The following ECT2L variants were observed in gnomAD, a reference collection of about 807,000 sequenced individuals.
ECT2L encodes epithelial cell transforming 2 like, also known as epithelial cell-transforming sequence 2 oncogene-like.
In ECT2L, 126 loss-of-function variants were observed where a neutral mutation model predicts 122.8. The ratio of observed to expected loss-of-function variants is 1.03; its 90% CI spans 0.89 to 1.19. ECT2L has a LOEUF of 1.19. Ranked by LOEUF, ECT2L falls within the 50% of genes most tolerant of loss-of-function variation. ECT2L has a pLI of 0.00. For synonymous variants in ECT2L, 385 were observed against 381.8 expected (o/e 1.01, Z -0.10); for missense variants, 1,012 against 1,064.1 (o/e 0.95, Z 0.68).
At chr6:138,824,737 TGAG>T (rs1776384100) in intron 4 of ECT2L, among the ~76,000 whole-genome samples, 1 of 152,030 alleles carries the variant, frequency 6.6e-6, no homozygotes, top group African/African-American at 2.4e-5. Context: ...GAATGGTTGT[TGAG>T]GAGATGGGGA....
intron 4 of ECT2L, among the ~76,000 whole-genome samples, chr6:138,817,779 C>T (rs557814445): frequency 1.1e-4 from 17 of 152,284 alleles, no homozygotes; most frequent in African/African-American, 4.1e-4. Flanking sequence ...CTCTGGCAAA[C>T]TAAAATGTCC....
chr6:138,796,964 G>A (rs1194842836), intron 1 of ECT2L, among the ~76,000 whole-genome samples: 3 of 152,158 alleles, frequency 2.0e-5, no homozygotes, highest in African/African-American at 7.2e-5. Context: ...TAAGGACTTG[G>A]AAGTTTTATA....
chr6:138,883,714 C>T lies in ECT2L; in HGVS notation c.2028+843C>T, dbSNP rs144345181. ...CATAAATAAGGTAGTTTCATAGAACCGACCTTGGAGACAAGGATTGGAGCA... is the reference window on the plus strand; with the variant it reads ...CATAAATAAGGTAGTTTCATAGAACTGACCTTGGAGACAAGGATTGGAGCA... On this transcript the variant is annotated intron_variant, in intron 16 of 21. Coordinates refer to ENST00000541398, the MANE Select transcript of ECT2L (RefSeq NM_001077706.3). 1.9e-3 allele frequency among the ~76,000 whole-genome samples: 285 copies of T among 152,336 alleles called. 1 individual carries two copies. The highest frequency in any genetic ancestry group is 0.01 in the Middle Eastern group (3 of 294).
chr6:138,810,971 T>C (rs1407913182), intron 1 of ECT2L, among the ~76,000 whole-genome samples: 2 of 152,198 alleles, frequency 1.3e-5, no homozygotes, highest in African/African-American at 4.8e-5. Flanking sequence ...GGAAAGGAAC[T>C]GTCCCAAAGG....
chr6:138,883,334 T>TTA (rs1299141371), intron 16 of ECT2L, among the ~76,000 whole-genome samples: 1 of 152,250 alleles, frequency 6.6e-6, no homozygotes, highest in Non-Finnish European at 1.5e-5. Flanking sequence ...AGTAAATTAT[T>TTA]AACAGTTTTC....
At chr6:138,842,957 C>T in intron 5 of ECT2L, 22 bp from the exon 6 acceptor site, 4 of 1,456,088 alleles carry the variant, frequency 2.7e-6, no homozygotes, top group Non-Finnish European at 2.7e-6. Context: ...ATTTGTGACT[C>T]ATCTTCCTCT....
chr6:138,859,250 A>C (rs1373293937), intron 10 of ECT2L, among the ~76,000 whole-genome samples: 1 of 152,102 alleles, frequency 6.6e-6, no homozygotes, highest in Non-Finnish European at 1.5e-5. Flanking sequence ...TCTCCTTTTT[A>C]CTACTGGGAA....
At chr6:138,808,880 C>T (rs1407947308) in intron 1 of ECT2L, among the ~76,000 whole-genome samples, 1 of 152,060 alleles carries the variant, frequency 6.6e-6, no homozygotes, top group Non-Finnish European at 1.5e-5. Flanking sequence ...GCATGCACCA[C>T]CATGCCCAGC....
At chr6:138,804,104 C>T (rs371388849) in intron 1 of ECT2L, among the ~76,000 whole-genome samples, 2 of 152,196 alleles carry the variant, frequency 1.3e-5, no homozygotes, top group Admixed American at 6.5e-5. Flanking sequence ...CTGGAGACAG[C>T]GAGAGCTGTG....
rs775866342 is a variant in ECT2L at position 138,838,525 on chromosome 6, T to A, written c.342+11T>A. 1.2e-6 allele frequency: 2 copies of A among 1,604,892 alleles called. No individual in the cohort carries two copies. Among genetic ancestry groups the A allele is most frequent in the Non-Finnish European group, 1.7e-6 (2 of 1,176,446 alleles). ...TTTTTAACTGAACAGGTTTACTATT[T>A]GCCACTTCCTAGTAATAGGGCACAA... is the stretch of plus-strand genomic sequence containing the variant. On this transcript the variant is annotated intron_variant, in intron 5 of 21. Coordinates refer to ENST00000541398, the MANE Select transcript of ECT2L (RefSeq NM_001077706.3).
chr6:138,796,693 T>C (rs2128365562), intron 1 of ECT2L, among the ~76,000 whole-genome samples: 1 of 152,318 alleles, frequency 6.6e-6, no homozygotes, highest in East Asian at 1.9e-4. Flanking sequence ...GTTAATATGC[T>C]AAGATTTGAT....
In ECT2L at chr6:138,816,727, T is replaced by C. The variant is rs557828990; in HGVS notation, c.179+2124T>C. On this transcript the variant is annotated intron_variant, in intron 4 of 21. Transcript: ENST00000541398. ...GTCTCGATCTCCTGATCTCATGATC[T>C]GCCTGCCTCGGCCTCCCAAAGTGCT... Among the ~76,000 whole-genome samples, 440 of 152,310 alleles carry C rather than the reference T, an allele frequency of 2.9e-3. 2 individuals carry two copies. Among genetic ancestry groups the C allele is most frequent in the African/African-American group, 0.01 (419 of 41,588 alleles).
Position 138,888,991 on chromosome 6 carries a change from C to A in ECT2L, c.2374C>A (p.Gln792Lys). 6.4e-7 allele frequency: 1 copy of A among 1,551,134 alleles called. No homozygotes were observed. Among genetic ancestry groups the A allele is most frequent in the South Asian group, 1.2e-5 (1 of 80,408 alleles). The change falls in exon 20 of 22, where the codon CAA (glutamine) becomes AAA (lysine). Residue 792 changes from glutamine (Q) to lysine (K), a missense_variant. By Grantham distance (53) the Gln-to-Lys change is moderately conservative (BLOSUM62 1). Transcript: ENST00000541398. ...TCTGATTAGGGTACAAGATGTAGCC[C>A]AACTTCATTGCTGTGATGAAGAAAT... ...RYLIRVQDVAQLHCCDEEISF... is the reference protein window; with the variant it reads ...RYLIRVQDVAKLHCCDEEISF...
At chr6:138,856,060 T>A (rs1385707098) in intron 10 of ECT2L, among the ~76,000 whole-genome samples, 1 of 152,200 alleles carries the variant, frequency 6.6e-6, no homozygotes, top group African/African-American at 2.4e-5. Context: ...ATCATTGACT[T>A]CTCAGTCCAA....
At chr6:138,801,571 G>A (rs1464982058) in intron 1 of ECT2L, among the ~76,000 whole-genome samples, 1 of 152,104 alleles carries the variant, frequency 6.6e-6, no homozygotes, top group Non-Finnish European at 1.5e-5. Flanking sequence ...GGCCAACATG[G>A]TGAAACCCCG....
rs1235379052 is a variant in ECT2L at position 138,903,644 on chromosome 6, GA to G, written c.*1020del. On this transcript the variant is annotated 3_prime_UTR_variant, in exon 22 of 22. Coordinates refer to ENST00000541398, the MANE Select transcript of ECT2L (RefSeq NM_001077706.3). ...GGAAACAGCAAAACTTGCTTGTAATGAAATACAGCTGAGTAAAAATGTTTCT... is the reference window on the plus strand; with the variant it reads ...GGAAACAGCAAAACTTGCTTGTAATGAATACAGCTGAGTAAAAATGTTTCT... The G allele has an allele frequency of 1.3e-5, 2 of 152,172 alleles. No homozygotes were observed. Among genetic ancestry groups the G allele is most frequent in the African/African-American group, 4.8e-5 (2 of 41,436 alleles). 9.4% of individuals were successfully genotyped at this position (152,172 alleles called of 1,614,324 possible).
intron 1 of ECT2L, among the ~76,000 whole-genome samples, chr6:138,811,505 AAT>A (rs1400999921): frequency 6.6e-6 from 1 of 152,150 alleles, no homozygotes; most frequent in Non-Finnish European, 1.5e-5. Flanking sequence ...GCCTATAAGG[AAT>A]AAAGGTTAAA....
intron 8 of ECT2L, 84 bp from the exon 9 acceptor site, chr6:138,849,185 T>G: frequency 7.7e-7 from 1 of 1,296,340 alleles, no homozygotes; most frequent in Non-Finnish European, 1.0e-6. Context: ...TCACGGCGTA[T>G]TTTGTATCCG....
intron 4 of ECT2L, among the ~76,000 whole-genome samples, chr6:138,827,469 C>T (rs537025916): frequency 6.6e-6 from 1 of 152,284 alleles, no homozygotes; most frequent in South Asian, 2.1e-4. Context: ...ATATTCAGCA[C>T]CCATTTTTAA....
Sources: allele counts gnomAD v4.1 joint callset (sites outside exome capture counted in the v4.1 genomes callset), GRCh38; gene constraint gnomAD v4.1.1; transcripts MANE v1.5; gene names NCBI Gene and HGNC (gene_info 2026-07-23, HGNC 2026-07-21).